MPHOSPH9: variants seen among roughly 807,000 people sequenced by gnomAD.
MPHOSPH9 encodes M-phase phosphoprotein 9.
In MPHOSPH9, 88 loss-of-function variants were observed where a neutral mutation model predicts 145.5. That is an observed-to-expected ratio of 0.60 (90% confidence interval 0.51 to 0.72). The LOEUF is 0.72. MPHOSPH9 is among the 30% of genes least tolerant of loss of function. The pLI, the probability that MPHOSPH9 is intolerant of heterozygous loss-of-function variation, is 0.00. For synonymous variants in MPHOSPH9, 435 were observed against 486.2 expected, an observed-to-expected ratio of 0.89 and a Z score of 1.39; for missense variants, 1,238 against 1,386.6, an observed-to-expected ratio of 0.89 and a Z score of 1.70.
Position 123,221,354 on chromosome 12 carries a change from G to T in MPHOSPH9, c.872+18C>A. ...TAAATGTAATAAACTCCCTTCAAAT[G>T]ATAGAAATTCTACTTACCTATTTGT... On this transcript the variant is annotated intron_variant, in intron 5 of 23. Coordinates refer to ENST00000606320, the MANE Select transcript of MPHOSPH9 (RefSeq NM_022782.4). 1 of 1,529,678 alleles carries T rather than the reference G, an allele frequency of 6.5e-7. No individual in the cohort carries two copies. The highest frequency in any genetic ancestry group is 8.8e-7 in the Non-Finnish European group (1 of 1,134,296). 94.8% of individuals were successfully genotyped at this position (1,529,678 alleles called of 1,614,324 possible). A position where few individuals can be genotyped will look rare whatever the true frequency, so the allele number is the denominator to read the frequency against.
chr12:123,233,972 T>A (rs934787975), upstream of MPHOSPH9: 4 of 151,146 alleles, frequency 2.6e-5, no homozygotes, highest in African/African-American at 9.7e-5. Flanking sequence ...CGTTTTTTTT[T>A]TAATAGACGT....
chr12:123,225,235 T>C lies in MPHOSPH9; in HGVS notation c.259-2108A>G, dbSNP rs2047386349. On this transcript the variant is annotated intron_variant, in intron 3 of 23. Coordinates refer to ENST00000606320, the MANE Select transcript of MPHOSPH9 (RefSeq NM_022782.4). ...AAGGTGGGTGGATCATTTGAGTTCA[T>C]GAGTTCAAGACTAACCTGGGCAACA... Among the ~76,000 whole-genome samples, 3 of 144,824 alleles carry C rather than the reference T, an allele frequency of 2.1e-5. No homozygotes were observed. The South Asian group carries it at 6.5e-4, about 31-fold the overall frequency.
chr12:123,225,491 G>A (rs575759873), intron 3 of MPHOSPH9, among the ~76,000 whole-genome samples: 6 of 119,036 alleles, frequency 5.0e-5, no homozygotes, highest in Admixed American at 3.4e-4. Context: ...AATGAAAGAG[G>A]AGAAAAAGAA....
At chr12:123,216,433 A>G (rs1488196252) in intron 6 of MPHOSPH9, among the ~76,000 whole-genome samples, 1 of 152,196 alleles carries the variant, frequency 6.6e-6, no homozygotes, top group Admixed American at 6.6e-5. Flanking sequence ...GTTCAGGATA[A>G]GACATGGCCA....
chr12:123,175,821 TAA>T (rs75867409), intron 16 of MPHOSPH9, among the ~76,000 whole-genome samples: 2,599 of 131,742 alleles, frequency 0.02, 34 homozygotes, highest in South Asian at 0.06. Flanking sequence ...ATCTTTTCTT[TAA>T]AAAAAAAAAA....
chr12:123,203,512 G>T, intron 8 of MPHOSPH9, 137 bp from the exon 9 acceptor site: 1 of 794,144 alleles, frequency 1.3e-6, no homozygotes, highest in Non-Finnish European at 1.9e-6. Context: ...TGTAATACAA[G>T]CTTGGAAGTC....
intron 18 of MPHOSPH9, 132 bp downstream of exon 18, chr12:123,165,170 T>A (rs1423279620): frequency 1.3e-6 from 1 of 747,666 alleles, no homozygotes; most frequent in Non-Finnish European, 2.1e-6. Flanking sequence ...GGGGCTGAAG[T>A]AGCAGTAAAA....
rs1310509924 is a variant in MPHOSPH9 at position 123,166,649 on chromosome 12, T to C, written c.2591+6A>G. The C allele has an allele frequency of 2.2e-5, 35 of 1,609,974 alleles. No individual in the cohort carries two copies. The highest frequency in any genetic ancestry group is 2.7e-5 in the Non-Finnish European group (32 of 1,179,018). Reference sequence around the variant, plus strand: ...CTAAATAGAATCTTTAGCAAAGTTATCTCACCCTAGGCTACAGGTTTCCTC... The same window carrying C: ...CTAAATAGAATCTTTAGCAAAGTTACCTCACCCTAGGCTACAGGTTTCCTC... On this transcript the variant is annotated splice_donor_region_variant and intron_variant, in intron 17 of 23. Coordinates refer to ENST00000606320, the MANE Select transcript of MPHOSPH9 (RefSeq NM_022782.4).
At chr12:123,199,023 T>G (rs1162307943) in intron 11 of MPHOSPH9, among the ~76,000 whole-genome samples, 1 of 151,854 alleles carries the variant, frequency 6.6e-6, no homozygotes, top group Non-Finnish European at 1.5e-5. Flanking sequence ...TTTCTTTTTT[T>G]GAGACAGGAT....
At chr12:123,236,030 C>T (rs2047845270), upstream of MPHOSPH9, among the ~76,000 whole-genome samples, 1 of 151,986 alleles carries the variant, frequency 6.6e-6, no homozygotes, top group East Asian at 1.9e-4. Flanking sequence ...TGCCACTGCA[C>T]TCCAGCCTGG....
intron 15 of MPHOSPH9, among the ~76,000 whole-genome samples, chr12:123,179,658 C>T (rs1727300): frequency 0.64 from 96,644 of 150,140 alleles, 35,489 homozygotes; most frequent in East Asian, 1. Context: ...GGCAGGAAGA[C>T]TGCTTGAGCC....
chr12:123,175,657 ACCCT>A, intron 16 of MPHOSPH9, among the ~76,000 whole-genome samples: 1 of 18,406 alleles, frequency 5.4e-5, no homozygotes, highest in African/African-American at 2.0e-4. Flanking sequence ...CACCCTGCCC[ACCCT>A]CCCATCCCTC....
intron 1 of MPHOSPH9, among the ~76,000 whole-genome samples, chr12:123,241,540 A>G (rs1278668077): frequency 6.6e-6 from 1 of 152,022 alleles, no homozygotes; most frequent in East Asian, 1.9e-4. Flanking sequence ...GGGTTTCACC[A>G]TGTTGGCCAG....
chr12:123,231,966 C>T (rs1716170), intron 1 of MPHOSPH9, among the ~76,000 whole-genome samples: 94,042 of 146,586 alleles, frequency 0.64, 34,485 homozygotes, highest in East Asian at 1. Context: ...CTTTCTAGGG[C>T]CTGCTTTTAT....
At chr12:123,208,533 C>CAAAA (rs373218740) in intron 8 of MPHOSPH9, among the ~76,000 whole-genome samples, 3 of 111,124 alleles carry the variant, frequency 2.7e-5, no homozygotes, top group South Asian at 5.6e-4. Flanking sequence ...GAAACTGTCT[C>CAAAA]AAAAAAAAAA....
chr12:123,178,262 C>T (rs996648776), intron 15 of MPHOSPH9, among the ~76,000 whole-genome samples: 2 of 152,182 alleles, frequency 1.3e-5, no homozygotes, highest in African/African-American at 4.8e-5. Context: ...CGAATTCTTA[C>T]CTACTTTGAT....
intron 4 of MPHOSPH9, 137 bp from the exon 5 acceptor site, chr12:123,222,032 A>G (rs1462192303): frequency 3.0e-6 from 2 of 660,674 alleles, no homozygotes; most frequent in Admixed American, 6.6e-5. Flanking sequence ...TCTTTAGTTT[A>G]TAAACAAAAT....
chr12:123,219,091 G>A (rs1445295523), intron 5 of MPHOSPH9, among the ~76,000 whole-genome samples: 1 of 151,614 alleles, frequency 6.6e-6, no homozygotes. Flanking sequence ...TTTTTGTAGA[G>A]CCAGGGTCTT....
chr12:123,205,356 G>C (rs1311948251), intron 8 of MPHOSPH9, among the ~76,000 whole-genome samples: 6 of 152,134 alleles, frequency 3.9e-5, no homozygotes, highest in African/African-American at 1.4e-4. Context: ...CACCGGCCTG[G>C]CCAATATGGT....
Sources: allele counts gnomAD v4.1 joint callset (sites outside exome capture counted in the v4.1 genomes callset), GRCh38; gene constraint gnomAD v4.1.1; transcripts MANE v1.5; gene names NCBI Gene and HGNC (gene_info 2026-07-23, HGNC 2026-07-21).